HMCN1: variants seen among roughly 807,000 people sequenced by gnomAD.
HMCN1 encodes hemicentin 1, also known as hemicentin-1.
HMCN1 carries 321 observed loss-of-function variants against 625.9 expected under a neutral mutation model. The ratio of observed to expected loss-of-function variants is 0.51; its 90% confidence interval spans 0.47 to 0.56. HMCN1 has a LOEUF of 0.56. Ranked by LOEUF, HMCN1 falls within the 20% of genes least tolerant of loss-of-function variation. The pLI is 0.00. For missense variants in HMCN1, 6,588 were observed against 6,887.3 expected (o/e 0.96, Z 1.54); for synonymous variants, 2,425 against 2,417.6 (o/e 1.00, Z -0.09).
In HMCN1 at chr1:186,038,993, C is replaced by A; in HGVS notation, c.6016C>A (p.Leu2006Met). Residue 2006 changes from leucine (L) to methionine (M), a missense_variant, in exon 38 of 107, where the codon CTG becomes ATG. Physicochemically the swap from Leu to Met is conservative, Grantham distance 15. Coordinates refer to ENST00000271588, the MANE Select transcript of HMCN1 (RefSeq NM_031935.3). ...SAGATELFYS[L>M]QVHVAPSISG... The stretch of plus-strand genomic sequence containing the variant: ...TGGAGCTACAGAGTTATTTTACAGT[C>A]TGCAAGTTCATGGTTAGTGCCACTT... 1 of 1,610,490 alleles carries A rather than the reference C, an allele frequency of 6.2e-7. No individual in the cohort carries two copies. The highest frequency in any genetic ancestry group is 1.1e-5 in the South Asian group (1 of 91,006).
chr1:185,862,999 T>C (rs193133218), intron 2 of HMCN1, among the ~76,000 whole-genome samples: 1 of 152,356 alleles, frequency 6.6e-6, no homozygotes, highest in East Asian at 1.9e-4. Flanking sequence ...AGCTACATTG[T>C]AAACTATTCT....
intron 1 of HMCN1, among the ~76,000 whole-genome samples, chr1:185,814,829 C>A (rs939192324): frequency 4.0e-5 from 6 of 149,360 alleles, no homozygotes; most frequent in Non-Finnish European, 2.9e-5. Context: ...GTAGCTGGGA[C>A]TACAGGCACA....
At chr1:186,097,871 G>C (rs1396586867) in intron 68 of HMCN1, among the ~76,000 whole-genome samples, 1 of 152,058 alleles carries the variant, frequency 6.6e-6, no homozygotes, top group Admixed American at 6.6e-5. Context: ...CAATTGAACA[G>C]AATAAGGAGC....
At chr1:186,164,626 G>A (rs1047790241) in intron 97 of HMCN1, among the ~76,000 whole-genome samples, 1 of 152,214 alleles carries the variant, frequency 6.6e-6, no homozygotes, top group Non-Finnish European at 1.5e-5. Context: ...ACACGTGGGG[G>A]ATTTTGACCC....
intron 4 of HMCN1, among the ~76,000 whole-genome samples, chr1:185,881,891 A>G: frequency 6.6e-6 from 1 of 152,202 alleles, no homozygotes; most frequent in East Asian, 1.9e-4. Flanking sequence ...ATATTTTTGC[A>G]GCTTCAAAAG....
chr1:185,786,633 A>G (rs1657588779), intron 1 of HMCN1, among the ~76,000 whole-genome samples: 1 of 152,228 alleles, frequency 6.6e-6, no homozygotes, highest in Non-Finnish European at 1.5e-5. Flanking sequence ...CCCTCTTAAA[A>G]ATGTATTTAA....
chr1:185,762,688 G>A (rs1285038754), intron 1 of HMCN1, among the ~76,000 whole-genome samples: 2 of 152,126 alleles, frequency 1.3e-5, no homozygotes, highest in African/African-American at 4.8e-5. Context: ...ATGTAGTTAA[G>A]TGAATCAGTT....
rs182135262 is a variant in HMCN1, at chr1:186,090,068, G to A, written c.9728-690G>A. On this transcript the variant is annotated intron_variant, in intron 63 of 106. Transcript: ENST00000271588. ...AGTGGGGAAAACATGTACAAAATTG[G>A]CTTTTGCGACCTGGTGTGAACTACC... Among the ~76,000 whole-genome samples, 139 of 151,950 alleles carry A rather than the reference G, an allele frequency of 9.1e-4. 1 individual carries two copies. The highest frequency in any genetic ancestry group is 3.3e-3 in the African/African-American group (137 of 41,492).
chr1:186,104,065 A>G (rs1660503451), intron 69 of HMCN1, among the ~76,000 whole-genome samples: 1 of 152,180 alleles, frequency 6.6e-6, no homozygotes, highest in East Asian at 1.9e-4. Flanking sequence ...GGAAGTCTGA[A>G]GAGACACAAT....
intron 100 of HMCN1, among the ~76,000 whole-genome samples, chr1:186,167,649 T>C (rs998589258): frequency 7.9e-5 from 12 of 152,306 alleles, no homozygotes; most frequent in African/African-American, 2.9e-4. Context: ...ATCATGTCTG[T>C]TTCCTCCAAC....
intron 29 of HMCN1, among the ~76,000 whole-genome samples, chr1:186,006,791 T>C (rs1449436772): frequency 6.6e-6 from 1 of 151,554 alleles, no homozygotes; most frequent in Non-Finnish European, 1.5e-5. Flanking sequence ...GAATTTTAGC[T>C]ATGCAAACCA....
At chr1:185,866,832 G>A (rs1033433063) in intron 4 of HMCN1, among the ~76,000 whole-genome samples, 1 of 151,688 alleles carries the variant, frequency 6.6e-6, no homozygotes, top group African/African-American at 2.4e-5. Context: ...AAAGATAAGG[G>A]TTTTTTAAAA....
In HMCN1 at chr1:185,776,472, G is replaced by A. The variant is rs182639661; in HGVS notation, c.268+41425G>A. Among the ~76,000 whole-genome samples the A allele has an allele frequency of 8.6e-5, 13 of 151,094 alleles. No homozygotes were observed. In the East Asian group the frequency reaches 2.3e-3, roughly 27 times the overall value. ...TGTGTGTGTGTGTGTGTGTGTGTGTGTGTGTTCAGTCTTTAGTCAATGAAA... is the reference window on the plus strand; with the variant it reads ...TGTGTGTGTGTGTGTGTGTGTGTGTATGTGTTCAGTCTTTAGTCAATGAAA... On this transcript the variant is annotated intron_variant, in intron 1 of 106. Transcript: ENST00000271588.
intron 35 of HMCN1, among the ~76,000 whole-genome samples, chr1:186,019,972 A>G (rs745811018): frequency 3.9e-5 from 6 of 152,012 alleles, no homozygotes; most frequent in Non-Finnish European, 7.4e-5. Flanking sequence ...CTGTTAAAAA[A>G]CTGGTGTCTC....
At chr1:185,981,715 C>A (rs1287338295) in intron 17 of HMCN1, among the ~76,000 whole-genome samples, 1 of 152,026 alleles carries the variant, frequency 6.6e-6, no homozygotes, top group African/African-American at 2.4e-5. Flanking sequence ...CAAGTAAAAT[C>A]TCTTAGGGAT....
chr1:185,835,880 A>G (rs950985983), intron 1 of HMCN1, among the ~76,000 whole-genome samples: 1 of 152,188 alleles, frequency 6.6e-6, no homozygotes, highest in African/African-American at 2.4e-5. Context: ...TTTCAGTGTT[A>G]GAAGTCTGAA....
chr1:185,787,722 A>C (rs1233077169), intron 1 of HMCN1, among the ~76,000 whole-genome samples: 1 of 152,258 alleles, frequency 6.6e-6, no homozygotes, highest in African/African-American at 2.4e-5. Context: ...AAATGCTGGA[A>C]ATGAGAGAAG....
rs544500952 is a variant in HMCN1 at position 186,000,555 on chromosome 1, G to A, written c.4069+316G>A. ...ATCAGCGTGTAGGGTGTGTGTGTGT[G>A]TGTATGTGTGTGTGTGTGTGTGTGT... On this transcript the variant is annotated intron_variant, in intron 26 of 106. Transcript: ENST00000271588. 3.5e-4 allele frequency among the ~76,000 whole-genome samples: 38 copies of A among 109,356 alleles called. No homozygotes were observed. The South Asian group carries it at 0.011, about 31-fold the overall frequency. 71.7% of individuals were successfully genotyped at this position (109,356 alleles called of 152,430 possible). A position where few individuals can be genotyped will look rare whatever the true frequency, so the allele number is the denominator to read the frequency against.
intron 105 of HMCN1, 52 bp downstream of exon 105, chr1:186,182,339 G>A: frequency 6.2e-7 from 1 of 1,607,626 alleles, no homozygotes; most frequent in Middle Eastern, 1.7e-4. Context: ...AAAACCAACA[G>A]AGAGTGTGAG....
Sources: gnomAD v4.1 joint callset for allele counts (sites outside exome capture counted in the v4.1 genomes callset) on GRCh38, gnomAD v4.1.1 for gene constraint, MANE v1.5 for transcripts, NCBI Gene and HGNC (gene_info 2026-07-23, HGNC 2026-07-21) for gene names.